Variants in PLOD2 observed in about 807,000 individuals in gnomAD.
PLOD2 encodes the protein lysine hydroxylase 2.
In PLOD2, 65 loss-of-function variants were observed where a neutral mutation model predicts 101.0. The observed-to-expected ratio is 0.64, with a 90% CI of 0.53 to 0.79. The LOEUF (loss-of-function observed/expected upper bound fraction) is 0.79. Ranked by LOEUF, PLOD2 falls within the 30% of genes least tolerant of loss-of-function variation. The pLI, the probability that PLOD2 is intolerant of heterozygous loss-of-function variation, is 0.00. For synonymous variants in PLOD2, 314 were observed against 302.9 expected, an observed-to-expected ratio of 1.04 and a Z score of -0.38; for missense variants, 909 against 914.6, an observed-to-expected ratio of 0.99 and a Z score of 0.08.
At chr3:146,115,508 T>C (rs1417788546) in intron 3 of PLOD2, among the ~76,000 whole-genome samples, 1 of 152,160 alleles carries the variant, frequency 6.6e-6, no homozygotes, top group Non-Finnish European at 1.5e-5. Context: ...TCTCTTTCCA[T>C]GGCCTATCTC....
At chr3:146,072,508 A>G in intron 17 of PLOD2, 53 bp downstream of exon 17, 1 of 1,066,002 alleles carries the variant, frequency 9.4e-7, no homozygotes, top group South Asian at 1.3e-5. Context: ...TTCTCTGAGT[A>G]TCTACTTAAC....
In PLOD2 at chr3:146,070,705, A is replaced by G. The variant is rs957486618; in HGVS notation, c.*12T>C. 1 of 1,572,856 alleles carries G rather than the reference A, an allele frequency of 6.4e-7. No individual in the cohort carries two copies. Among genetic ancestry groups the G allele is most frequent in the African/African-American group, 1.4e-5 (1 of 73,808 alleles). On this transcript the variant is annotated 3_prime_UTR_variant, in exon 20 of 20. Transcript: ENST00000282903. The stretch of plus-strand genomic sequence containing the variant: ...TCCAAAATAAATTTCAATTCAATGA[A>G]AAGTAAATAACTTAGGGATCTATAA...
intron 16 of PLOD2, 73 bp from the exon 17 acceptor site, chr3:146,072,738 T>G: frequency 1.1e-6 from 1 of 906,002 alleles, no homozygotes; most frequent in Non-Finnish European, 1.8e-6. Flanking sequence ...GTTATTTTAA[T>G]ATGTGTAAAA....
At chr3:146,089,065 T>C (rs188769031) in intron 8 of PLOD2, among the ~76,000 whole-genome samples, 1 of 151,690 alleles carries the variant, frequency 6.6e-6, no homozygotes, top group Non-Finnish European at 1.5e-5. Context: ...ATTTTGAAAG[T>C]TTCGTCTAAG....
intron 1 of PLOD2, among the ~76,000 whole-genome samples, chr3:146,133,556 G>A (rs924517321): frequency 1.1e-4 from 16 of 152,066 alleles, no homozygotes; most frequent in Non-Finnish European, 7.4e-5. Context: ...ACCTAAACAT[G>A]ATAAGCAGTT....
intron 1 of PLOD2, among the ~76,000 whole-genome samples, chr3:146,142,957 T>C (rs2108127498): frequency 6.6e-6 from 1 of 152,256 alleles, no homozygotes; most frequent in South Asian, 2.1e-4. Context: ...TCTTCCATGC[T>C]TTGGTTATAA....
intron 7 of PLOD2, among the ~76,000 whole-genome samples, chr3:146,099,725 G>C (rs1195517212): frequency 6.6e-6 from 1 of 151,870 alleles, no homozygotes; most frequent in African/African-American, 2.4e-5. Context: ...TACCAAGGAG[G>C]AACAGAACAC....
intron 1 of PLOD2, among the ~76,000 whole-genome samples, chr3:146,143,442 T>C (rs932318119): frequency 8.5e-5 from 13 of 152,084 alleles, no homozygotes; most frequent in African/African-American, 2.7e-4. Flanking sequence ...CCCATCTAAG[T>C]TGACCACAAA....
At position 146,079,269 on chromosome 3, in the gene PLOD2, G is replaced by A. The variant is rs1334966477; in HGVS notation, c.1359-12C>T. 2 of 1,595,490 alleles carry A rather than the reference G, an allele frequency of 1.3e-6. No homozygotes were observed. Among genetic ancestry groups the A allele is most frequent in the Non-Finnish European group, 8.6e-7 (1 of 1,164,124 alleles). On this transcript the variant is annotated splice_polypyrimidine_tract_variant and intron_variant, in intron 12 of 19. Transcript: ENST00000282903. ...CATTCCATACTCCTCTGAAAGTAAA[G>A]AGAAGACATTCTTATATACCACAAA...
chr3:146,114,673 A>C (rs1269343871), intron 3 of PLOD2, among the ~76,000 whole-genome samples: 1 of 152,164 alleles, frequency 6.6e-6, no homozygotes, highest in Non-Finnish European at 1.5e-5. Context: ...CAATCTGCAA[A>C]ATTTGGTACG....
At chr3:146,133,644 T>C (rs1007339800) in intron 1 of PLOD2, among the ~76,000 whole-genome samples, 1 of 152,168 alleles carries the variant, frequency 6.6e-6, no homozygotes, top group Admixed American at 6.5e-5. Context: ...AAGGGCTGGA[T>C]TGCAGCCAAG....
intron 1 of PLOD2, among the ~76,000 whole-genome samples, chr3:146,141,641 AT>A (rs2031529894): frequency 2.0e-5 from 3 of 152,114 alleles, no homozygotes; most frequent in African/African-American, 2.4e-5. Flanking sequence ...ATTGAAGAGA[AT>A]GTAAACCTAA....
intron 1 of PLOD2, among the ~76,000 whole-genome samples, chr3:146,155,153 G>C (rs1159685920): frequency 7.0e-6 from 1 of 143,580 alleles, no homozygotes; most frequent in Non-Finnish European, 1.6e-5. Context: ...GCAACATGTA[G>C]GCTTTAAGGT....
chr3:146,140,745 T>C (rs1349084955), intron 1 of PLOD2, among the ~76,000 whole-genome samples: 3 of 152,074 alleles, frequency 2.0e-5, no homozygotes, highest in African/African-American at 7.2e-5. Context: ...TGCAAATCAT[T>C]CTGTCAAATG....
At chr3:146,128,119 C>T (rs1184807025) in intron 1 of PLOD2, among the ~76,000 whole-genome samples, 1 of 152,080 alleles carries the variant, frequency 6.6e-6, no homozygotes, top group Non-Finnish European at 1.5e-5. Flanking sequence ...GTACAGAGTT[C>T]TTTAACCAAA....
intron 15 of PLOD2, among the ~76,000 whole-genome samples, chr3:146,074,854 T>C (rs1397115365): frequency 6.6e-6 from 1 of 151,604 alleles, no homozygotes; most frequent in Non-Finnish European, 1.5e-5. Flanking sequence ...AGCATTTTGC[T>C]ATGGGGTATC....
At chr3:146,117,144 A>T (rs1236585664) in intron 3 of PLOD2, among the ~76,000 whole-genome samples, 1 of 152,184 alleles carries the variant, frequency 6.6e-6, no homozygotes, top group Non-Finnish European at 1.5e-5. Context: ...GCCCTAACAA[A>T]GCTGTGTTTC....
intron 11 of PLOD2, among the ~76,000 whole-genome samples, chr3:146,082,866 G>T (rs534082511): frequency 6.6e-6 from 1 of 152,252 alleles, no homozygotes; most frequent in South Asian, 2.1e-4. Context: ...CTGCACTCCA[G>T]CCTGGGCGAC....
intron 4 of PLOD2, among the ~76,000 whole-genome samples, chr3:146,106,897 C>A (rs1937544218): frequency 6.6e-6 from 1 of 152,112 alleles, no homozygotes; most frequent in African/African-American, 2.4e-5. Flanking sequence ...AAATGTGTCT[C>A]CAAAAGTAAT....
Sources: allele counts gnomAD v4.1 joint callset (sites outside exome capture counted in the v4.1 genomes callset), GRCh38; gene constraint gnomAD v4.1.1; transcripts MANE v1.5; gene names NCBI Gene and HGNC (gene_info 2026-07-23, HGNC 2026-07-21).